Variants in PTPRT observed in about 807,000 individuals in gnomAD.
The protein encoded by PTPRT is protein tyrosine phosphatase receptor type T, also known as receptor-type tyrosine-protein phosphatase T.
A neutral mutation model predicts 176.8 loss-of-function variants in PTPRT; 56 were observed. The ratio of observed to expected loss-of-function variants is 0.32; its 90% CI spans 0.26 to 0.40. The LOEUF (loss-of-function observed/expected upper bound fraction) is 0.40. PTPRT is among the 10% of genes least tolerant of loss of function. PTPRT has a pLI of 1.00. For missense variants in PTPRT, 1,540 were observed against 1,908.2 expected, an observed-to-expected ratio of 0.81 and a Z score of 3.60; for synonymous variants, 783 against 739.0, an observed-to-expected ratio of 1.06 and a Z score of -0.96.
At chr20:42,278,936 C>T (rs1046748094) in intron 13 of PTPRT, among the ~76,000 whole-genome samples, 3 of 152,160 alleles carry the variant, frequency 2.0e-5, no homozygotes, top group African/African-American at 7.2e-5. Flanking sequence ...TTGAGCCCAT[C>T]CCTCATCTTC....
chr20:42,339,806 G>A (rs2058087486), intron 11 of PTPRT, among the ~76,000 whole-genome samples: 1 of 152,250 alleles, frequency 6.6e-6, no homozygotes, highest in South Asian at 2.1e-4. Context: ...TCCAGTGGAA[G>A]TGATGTGGGG....
intron 6 of PTPRT, among the ~76,000 whole-genome samples, chr20:42,710,353 T>C (rs2076125905): frequency 1.3e-5 from 2 of 151,940 alleles, no homozygotes; most frequent in Admixed American, 1.3e-4. Flanking sequence ...GAAAGAATGG[T>C]TTTAGGGGCC....
At position 42,084,729 on chromosome 20, in the gene PTPRT, C is replaced by A. The variant is rs1472972708; in HGVS notation, c.4089G>T (p.Trp1363Cys). 1 of 1,569,672 alleles carries A rather than the reference C, an allele frequency of 6.4e-7. No homozygotes were observed. Among genetic ancestry groups the A allele is most frequent in the Non-Finnish European group, 8.7e-7 (1 of 1,154,998 alleles). The change falls in exon 29 of 31, where the codon TGG becomes TGT. Residue 1363 changes from tryptophan (W) to cysteine (C), a missense_variant. Physicochemically the swap from Trp to Cys is radical, Grantham distance 215 (BLOSUM62 -2). Transcript: ENST00000373187. ...LLKVVRRLEK[W>C]QEQYDGREGR... ...CCTCCCTCCCGTCATACTGCTCCTG[C>A]CACTTCTCCAGTCGTCGGACCACTT...
intron 9 of PTPRT, among the ~76,000 whole-genome samples, chr20:42,436,563 G>A (rs2059263878): frequency 1.3e-5 from 2 of 152,208 alleles, no homozygotes; most frequent in African/African-American, 4.8e-5. Context: ...TGAAATCATA[G>A]GCACTCATAA....
intron 7 of PTPRT, among the ~76,000 whole-genome samples, chr20:42,516,503 G>A (rs999512449): frequency 6.6e-6 from 1 of 152,062 alleles, no homozygotes; most frequent in Non-Finnish European, 1.5e-5. Flanking sequence ...TTGCTGTATA[G>A]GTTTATATTA....
At position 42,351,532 on chromosome 20, in the gene PTPRT, A is replaced by G. The variant is rs552433692; in HGVS notation, c.1762+552T>C. 1.4e-4 allele frequency among the ~76,000 whole-genome samples: 21 copies of G among 152,358 alleles called. No individual in the cohort carries two copies. The South Asian group carries it at 4.1e-3, about 30-fold the overall frequency. ...CTGGAAAACCATGTGCAAAATATGTATGTATGCAGACCAGAATTGCATACA... is the reference window on the plus strand; with the variant it reads ...CTGGAAAACCATGTGCAAAATATGTGTGTATGCAGACCAGAATTGCATACA... On this transcript the variant is annotated intron_variant, in intron 10 of 30. Coordinates refer to ENST00000373187, the MANE Select transcript of PTPRT (RefSeq NM_007050.6).
chr20:42,160,365 G>A (rs1173437995), intron 17 of PTPRT, among the ~76,000 whole-genome samples: 1 of 152,172 alleles, frequency 6.6e-6, no homozygotes, highest in East Asian at 1.9e-4. Flanking sequence ...CTTTGGTTCA[G>A]AAAAACGTCT....
chr20:42,115,114 G>T, intron 22 of PTPRT, 85 bp downstream of exon 22: 9 of 982,436 alleles, frequency 9.2e-6, no homozygotes, highest in Admixed American at 1.7e-5. Flanking sequence ...ACGTAGAGCA[G>T]ACCCTCAGTT....
intron 2 of PTPRT, among the ~76,000 whole-genome samples, chr20:42,881,567 A>G (rs1196892374): frequency 6.6e-6 from 1 of 152,036 alleles, no homozygotes; most frequent in Admixed American, 6.6e-5. Context: ...TCTACTAAAA[A>G]TACAAAAGTT....
chr20:42,263,745 G>A lies in PTPRT; in HGVS notation c.2177-14923C>T, dbSNP rs118019997. 4.4e-4 allele frequency among the ~76,000 whole-genome samples: 65 copies of A among 149,190 alleles called. 3 individuals carry two copies. In the East Asian group the frequency reaches 0.012, roughly 27 times the overall value. The stretch of plus-strand genomic sequence containing the variant: ...TCACTATATTGCCTAGGCTGATCTC[G>A]AACTCCTGGGCTCAAACAATTCACT... On this transcript the variant is annotated intron_variant, in intron 13 of 30. Coordinates refer to ENST00000373187, the MANE Select transcript of PTPRT (RefSeq NM_007050.6).
chr20:42,172,476 C>T (rs1453518650), intron 16 of PTPRT, among the ~76,000 whole-genome samples: 2 of 152,194 alleles, frequency 1.3e-5, no homozygotes, highest in African/African-American at 2.4e-5. Context: ...CTCTGATGGA[C>T]GTGGTCAGGG....
At chr20:42,643,556 A>G (rs532568558) in intron 7 of PTPRT, among the ~76,000 whole-genome samples, 4 of 151,236 alleles carry the variant, frequency 2.6e-5, no homozygotes, top group African/African-American at 4.9e-5. Flanking sequence ...GGCTCAAGCA[A>G]TCCTCCCAAC....
At chr20:42,871,907 T>A (rs1206921160) in intron 2 of PTPRT, among the ~76,000 whole-genome samples, 1 of 152,228 alleles carries the variant, frequency 6.6e-6, no homozygotes, top group Non-Finnish European at 1.5e-5. Flanking sequence ...CATGCTTATA[T>A]ATGTTTGCAG....
At chr20:42,809,566 A>G (rs1475299281) in intron 2 of PTPRT, among the ~76,000 whole-genome samples, 3 of 152,196 alleles carry the variant, frequency 2.0e-5, no homozygotes, top group Non-Finnish European at 4.4e-5. Context: ...TCATTCTCTC[A>G]CAGTTCTGGA....
At chr20:42,923,542 C>T (rs1261975040) in intron 1 of PTPRT, among the ~76,000 whole-genome samples, 1 of 152,206 alleles carries the variant, frequency 6.6e-6, no homozygotes, top group Non-Finnish European at 1.5e-5. Context: ...TAAGTGACAA[C>T]ACACTTTTCA....
At chr20:42,270,319 T>C in intron 13 of PTPRT, 1 of 1,368,192 alleles carries the variant, frequency 7.3e-7, no homozygotes, top group Non-Finnish European at 1.0e-6. Flanking sequence ...CTGATTCCTC[T>C]CTGGTGCACC....
intron 12 of PTPRT, among the ~76,000 whole-genome samples, chr20:42,314,140 C>T (rs1298120620): frequency 6.6e-6 from 1 of 152,148 alleles, no homozygotes; most frequent in East Asian, 1.9e-4. Context: ...TGACAGACTC[C>T]CTTACATTTC....
chr20:42,460,899 C>T (rs760080869), intron 8 of PTPRT, among the ~76,000 whole-genome samples: 3 of 152,140 alleles, frequency 2.0e-5, no homozygotes, highest in East Asian at 1.9e-4. Flanking sequence ...GACTAATACA[C>T]GCTGTTTAAA....
At chr20:42,594,771 C>T (rs1569002817) in intron 7 of PTPRT, among the ~76,000 whole-genome samples, 1 of 152,132 alleles carries the variant, frequency 6.6e-6, no homozygotes, top group African/African-American at 2.4e-5. Context: ...CCCAGATTTT[C>T]AAAAATCCAG....
Sources: gnomAD v4.1 joint callset for allele counts (sites outside exome capture counted in the v4.1 genomes callset) on GRCh38, gnomAD v4.1.1 for gene constraint, MANE v1.5 for transcripts, NCBI Gene and HGNC (gene_info 2026-07-23, HGNC 2026-07-21) for gene names.